Variants in DGKI observed in about 807,000 individuals in gnomAD.
DGKI encodes diacylglycerol kinase iota, also known as DAG kinase iota.
Under a neutral mutation model 147.5 loss-of-function variants are expected in DGKI, and 55 were observed. The ratio of observed to expected loss-of-function variants is 0.37; its 90% CI spans 0.30 to 0.47. DGKI has a LOEUF of 0.47. DGKI is among the 20% of genes least tolerant of loss of function. The probability of loss-of-function intolerance (pLI) is 1.00; values close to 1 mark genes in which losing one functional copy is unlikely to be tolerated. For missense variants in DGKI, 1,007 were observed against 1,323.8 expected, an observed-to-expected ratio of 0.76 and a Z score of 3.71; for synonymous variants, 469 against 477.1, an observed-to-expected ratio of 0.98 and a Z score of 0.22.
intron 21 of DGKI, among the ~76,000 whole-genome samples, chr7:137,511,605 G>A (rs75723945): frequency 0.032 from 4,893 of 152,296 alleles, 217 homozygotes; most frequent in East Asian, 0.11. Context: ...TTGATACATA[G>A]TAGGTGTTCA....
intron 21 of DGKI, among the ~76,000 whole-genome samples, chr7:137,514,846 A>C (rs1263325418): frequency 6.6e-6 from 1 of 152,102 alleles, no homozygotes; most frequent in Admixed American, 6.6e-5. Context: ...TATTTCCATC[A>C]TTGCAACCTG....
chr7:137,421,715 T>C (rs1039732347), intron 28 of DGKI, among the ~76,000 whole-genome samples: 1 of 152,260 alleles, frequency 6.6e-6, no homozygotes, highest in Non-Finnish European at 1.5e-5. Context: ...ACTTCTGCGA[T>C]TAAGTCATAA....
intron 1 of DGKI, among the ~76,000 whole-genome samples, chr7:137,804,470 AC>A (rs1797305247): frequency 6.6e-6 from 1 of 152,160 alleles, no homozygotes; most frequent in Non-Finnish European, 1.5e-5. Flanking sequence ...AGTCTCTTTG[AC>A]CCCTGTGCCC....
At chr7:137,559,699 T>C (rs959810110) in intron 19 of DGKI, among the ~76,000 whole-genome samples, 8 of 151,944 alleles carry the variant, frequency 5.3e-5, no homozygotes, top group Non-Finnish European at 8.8e-5. Flanking sequence ...CCAAAGTGAG[T>C]TTATGAGAAG....
At chr7:137,620,672 G>A (rs777451892) in intron 7 of DGKI, among the ~76,000 whole-genome samples, 6 of 152,142 alleles carry the variant, frequency 3.9e-5, no homozygotes, top group Non-Finnish European at 8.8e-5. Flanking sequence ...GTAGGCTAAC[G>A]ATCATAACAA....
intron 21 of DGKI, among the ~76,000 whole-genome samples, chr7:137,521,493 T>C (rs943636781): frequency 6.6e-6 from 1 of 152,086 alleles, no homozygotes; most frequent in African/African-American, 2.4e-5. Flanking sequence ...AGGGCAGTGT[T>C]TGATAACGCA....
chr7:137,464,449 C>T (rs1814575613), intron 26 of DGKI, among the ~76,000 whole-genome samples: 1 of 152,042 alleles, frequency 6.6e-6, no homozygotes, highest in African/African-American at 2.4e-5. Context: ...CCTGCTTTCC[C>T]CACTACTGAT....
chr7:137,727,318 A>G (rs994087736), intron 1 of DGKI, among the ~76,000 whole-genome samples: 1 of 152,170 alleles, frequency 6.6e-6, no homozygotes, highest in Non-Finnish European at 1.5e-5. Context: ...TCATTTCTAA[A>G]TATGTAATAT....
chr7:137,603,821 A>G (rs1434444171), intron 10 of DGKI, among the ~76,000 whole-genome samples: 1 of 152,250 alleles, frequency 6.6e-6, no homozygotes, highest in Non-Finnish European at 1.5e-5. Flanking sequence ...TGAAAAAGCT[A>G]CATTCTGTTC....
At position 137,387,654 on chromosome 7, in the gene DGKI, T is replaced by C. The variant is rs1379118449; in HGVS notation, c.*3566A>G. On this transcript the variant is annotated 3_prime_UTR_variant, in exon 33 of 33. Coordinates refer to ENST00000614521, the MANE Select transcript of DGKI (RefSeq NM_001321708.2). ...CATCACATACAAGCAACAGTGTTCA[T>C]CAGTGTTAACCGTATTTATTTTTGG... is the stretch of plus-strand genomic sequence containing the variant. 6.6e-6 allele frequency: 1 copy of C among 152,124 alleles called. No homozygotes were observed. The highest frequency in any genetic ancestry group is 2.4e-5 in the African/African-American group (1 of 41,432). 9.4% of individuals were successfully genotyped at this position (152,124 alleles called of 1,614,324 possible).
At chr7:137,524,205 T>C (rs1409694682) in intron 20 of DGKI, among the ~76,000 whole-genome samples, 1 of 152,096 alleles carries the variant, frequency 6.6e-6, no homozygotes, top group Non-Finnish European at 1.5e-5. Flanking sequence ...GGCTACAACA[T>C]GCTGTGAAGT....
chr7:137,655,400 G>A (rs6973534), intron 4 of DGKI, among the ~76,000 whole-genome samples: 15,410 of 151,984 alleles, frequency 0.1, 2,208 homozygotes, highest in African/African-American at 0.32. Context: ...GGGTTTCACC[G>A]TGTTAGCCAG....
chr7:137,789,673 G>T (rs1244824100), intron 1 of DGKI, among the ~76,000 whole-genome samples: 4 of 152,134 alleles, frequency 2.6e-5, no homozygotes, highest in African/African-American at 9.7e-5. Context: ...TGGTTTCAAG[G>T]AGTCACAATT....
chr7:137,745,885 A>G (rs1405037656), intron 1 of DGKI, among the ~76,000 whole-genome samples: 1 of 152,190 alleles, frequency 6.6e-6, no homozygotes, highest in East Asian at 1.9e-4. Context: ...TTACTGTTGC[A>G]CCTCAAATTG....
chr7:137,552,455 G>T lies in DGKI; in HGVS notation c.2061C>A (p.Ala687=). The change falls in exon 20 of 33, where the codon GCC becomes GCA. Residue 687 remains alanine (A), a synonymous_variant. Transcript: ENST00000614521. ...TCAGGGAGATCCGAATCATAGCTGG[G>T]GCCAACCTACAGGGCTCCCCATCCA... ...MQVDGEPCRL[A]PAMIRISLRN... 6.2e-7 allele frequency: 1 copy of T among 1,614,072 alleles called. No individual in the cohort carries two copies. The highest frequency in any genetic ancestry group is 8.5e-7 in the Non-Finnish European group (1 of 1,180,024).
At chr7:137,543,863 C>T (rs1013573071) in intron 20 of DGKI, among the ~76,000 whole-genome samples, 1 of 152,144 alleles carries the variant, frequency 6.6e-6, no homozygotes, top group African/African-American at 2.4e-5. Context: ...AGACAAAATG[C>T]ACATGTTGTG....
At chr7:137,693,133 A>G (rs1357411697) in intron 1 of DGKI, among the ~76,000 whole-genome samples, 2 of 152,162 alleles carry the variant, frequency 1.3e-5, no homozygotes, top group East Asian at 3.8e-4. Flanking sequence ...TTATTTTTCT[A>G]TTTGAATTTA....
intron 28 of DGKI, among the ~76,000 whole-genome samples, chr7:137,435,462 G>C (rs895383351): frequency 2.6e-5 from 4 of 152,076 alleles, no homozygotes; most frequent in African/African-American, 9.7e-5. Flanking sequence ...GGAGGTGACA[G>C]AAAGCTTATG....
intron 19 of DGKI, among the ~76,000 whole-genome samples, chr7:137,555,337 G>T (rs1381867897): frequency 6.6e-6 from 1 of 151,908 alleles, no homozygotes; most frequent in Non-Finnish European, 1.5e-5. Flanking sequence ...ACCAGCTAGG[G>T]CAACATAGTC....
Sources: allele counts gnomAD v4.1 joint callset (sites outside exome capture counted in the v4.1 genomes callset), GRCh38; gene constraint gnomAD v4.1.1; transcripts MANE v1.5; gene names NCBI Gene and HGNC (gene_info 2026-07-23, HGNC 2026-07-21).